GPC6: variants seen among roughly 807,000 people sequenced by gnomAD.
GPC6 encodes glypican 6.
In GPC6, 14 loss-of-function variants were observed where a neutral mutation model predicts 55.2. That is an observed-to-expected ratio of 0.25 (90% confidence interval 0.17 to 0.40). The LOEUF (loss-of-function observed/expected upper bound fraction) is 0.40. GPC6 is among the 10% of genes least tolerant of loss of function. GPC6 has a pLI of 1.00. For missense variants in GPC6, 641 were observed against 708.5 expected (o/e 0.90, Z 1.08); for synonymous variants, 278 against 259.6 (o/e 1.07, Z -0.68).
rs12429677 is a variant in GPC6, at chr13:94,010,030, A to T, written c.712-17699A>T. ...ATTTTCCCTGTAGCACAGTAAACAG[A>T]CAGCATTTGAATCATTTAAAATACC... On this transcript the variant is annotated intron_variant, in intron 3 of 8. Coordinates refer to ENST00000377047, the MANE Select transcript of GPC6 (RefSeq NM_005708.5). Among the ~76,000 whole-genome samples the T allele has an allele frequency of 6.8e-4, 103 of 152,336 alleles. 2 individuals carry two copies. Among genetic ancestry groups the T allele is most frequent in the Admixed American group, 6.0e-3 (92 of 15,290 alleles).
At chr13:93,316,652 A>T (rs554113782) in intron 1 of GPC6, among the ~76,000 whole-genome samples, 2 of 152,240 alleles carry the variant, frequency 1.3e-5, no homozygotes, top group South Asian at 4.1e-4. Context: ...TAAAAGAACC[A>T]TCTCTTTAGC....
In GPC6 at chr13:93,982,321, CAT is replaced by C. The variant is rs201677157; in HGVS notation, c.712-45406_712-45405del. Among the ~76,000 whole-genome samples the C allele has an allele frequency of 9.5e-3, 1,451 of 152,252 alleles. 23 individuals carry two copies. The highest frequency in any genetic ancestry group is 0.032 in the African/African-American group (1,325 of 41,566). On this transcript the variant is annotated intron_variant, in intron 3 of 8. Coordinates refer to ENST00000377047, the MANE Select transcript of GPC6 (RefSeq NM_005708.5). ...AATCAGAAAAGAGAAGACAAAAAGACATAAGCAATCCTAATACAATGTGATTA... is the reference window on the plus strand; with the variant it reads ...AATCAGAAAAGAGAAGACAAAAAGACAAGCAATCCTAATACAATGTGATTA...
intron 3 of GPC6, among the ~76,000 whole-genome samples, chr13:93,987,652 G>C (rs940387737): frequency 6.6e-6 from 1 of 152,164 alleles, no homozygotes; most frequent in South Asian, 2.1e-4. Context: ...TGGAGTAAAA[G>C]TGTCACTTTC....
At chr13:93,262,374 A>G (rs1489066234) in intron 1 of GPC6, among the ~76,000 whole-genome samples, 2 of 152,222 alleles carry the variant, frequency 1.3e-5, no homozygotes, top group Non-Finnish European at 2.9e-5. Context: ...GTTACACTTA[A>G]GTTTTCTTGC....
intron 1 of GPC6, among the ~76,000 whole-genome samples, chr13:93,472,933 C>T (rs905744000): frequency 3.3e-5 from 5 of 152,230 alleles, no homozygotes; most frequent in African/African-American, 1.2e-4. Flanking sequence ...TAGCTCTTCT[C>T]TGCAGACAGA....
intron 1 of GPC6, among the ~76,000 whole-genome samples, chr13:93,304,529 A>T (rs911902869): frequency 5.3e-5 from 8 of 152,168 alleles, no homozygotes; most frequent in Admixed American, 3.9e-4. Flanking sequence ...GTGGCTCCAT[A>T]TGTAGACTTC....
intron 2 of GPC6, among the ~76,000 whole-genome samples, chr13:93,676,550 A>G (rs1339609596): frequency 6.6e-6 from 1 of 152,140 alleles, no homozygotes; most frequent in Non-Finnish European, 1.5e-5. Context: ...GACTGTTGAG[A>G]ACTAGAGAGT....
intron 7 of GPC6, among the ~76,000 whole-genome samples, chr13:94,387,006 A>T (rs1008234610): frequency 2.0e-5 from 3 of 152,206 alleles, no homozygotes; most frequent in African/African-American, 7.2e-5. Context: ...TATTTACTCC[A>T]GTGATTATCT....
At chr13:93,309,236 A>G (rs1047270773) in intron 1 of GPC6, among the ~76,000 whole-genome samples, 2 of 152,138 alleles carry the variant, frequency 1.3e-5, no homozygotes, top group Admixed American at 6.6e-5. Context: ...ACAAATTGTG[A>G]CTTTTTAAGT....
intron 4 of GPC6, among the ~76,000 whole-genome samples, chr13:94,173,271 G>T (rs1888634344): frequency 6.6e-6 from 1 of 152,128 alleles, no homozygotes; most frequent in Non-Finnish European, 1.5e-5. Flanking sequence ...TTTGACTCAA[G>T]AAAAGAAGAC....
intron 2 of GPC6, among the ~76,000 whole-genome samples, chr13:93,774,522 A>G (rs1051838746): frequency 1.2e-4 from 19 of 152,296 alleles, no homozygotes; most frequent in African/African-American, 3.6e-4. Context: ...CTAATGACAC[A>G]CTTAATGACA....
intron 1 of GPC6, among the ~76,000 whole-genome samples, chr13:93,538,425 A>G (rs187207126): frequency 1.3e-5 from 2 of 152,236 alleles, no homozygotes; most frequent in African/African-American, 4.8e-5. Flanking sequence ...ACCTAGAGAG[A>G]TGAGGAGATG....
intron 4 of GPC6, among the ~76,000 whole-genome samples, chr13:94,139,663 A>T (rs1887306765): frequency 6.6e-6 from 1 of 152,184 alleles, no homozygotes; most frequent in South Asian, 2.1e-4. Context: ...CATGGTCCTC[A>T]TCAGTGCTAT....
intron 1 of GPC6, among the ~76,000 whole-genome samples, chr13:93,268,143 T>C (rs931342699): frequency 1.3e-5 from 2 of 152,212 alleles, no homozygotes; most frequent in African/African-American, 2.4e-5. Flanking sequence ...TTATATGCAT[T>C]TCTATAGGGA....
At chr13:93,236,544 C>A (rs186470240) in intron 1 of GPC6, among the ~76,000 whole-genome samples, 4 of 152,178 alleles carry the variant, frequency 2.6e-5, no homozygotes, top group African/African-American at 9.6e-5. Context: ...TGCCTCCTGT[C>A]GAATCAGCAG....
chr13:93,304,031 G>T (rs1463964180), intron 1 of GPC6, among the ~76,000 whole-genome samples: 1 of 151,946 alleles, frequency 6.6e-6, no homozygotes, highest in Non-Finnish European at 1.5e-5. Flanking sequence ...ACCATGCTTG[G>T]CTAATTTTTG....
intron 1 of GPC6, among the ~76,000 whole-genome samples, chr13:93,237,851 G>A (rs1421063720): frequency 6.6e-6 from 1 of 152,068 alleles, no homozygotes; most frequent in Non-Finnish European, 1.5e-5. Context: ...GTTTTTGTCT[G>A]CTTTGTCAAA....
chr13:93,763,192 G>A (rs1885008421), intron 2 of GPC6, among the ~76,000 whole-genome samples: 1 of 152,152 alleles, frequency 6.6e-6, no homozygotes, highest in Non-Finnish European at 1.5e-5. Context: ...TACCACTGGG[G>A]GTAGACACTC....
chr13:93,290,231 G>A (rs1878273069), intron 1 of GPC6, among the ~76,000 whole-genome samples: 1 of 152,072 alleles, frequency 6.6e-6, no homozygotes, highest in African/African-American at 2.4e-5. Flanking sequence ...CCATGAAAAG[G>A]ACAAATGCAG....
Sources: gnomAD v4.1 joint callset for allele counts (sites outside exome capture counted in the v4.1 genomes callset) on GRCh38, gnomAD v4.1.1 for gene constraint, MANE v1.5 for transcripts, NCBI Gene and HGNC (gene_info 2026-07-23, HGNC 2026-07-21) for gene names.